SCN8A: variants seen among roughly 807,000 people sequenced by gnomAD.
SCN8A encodes sodium voltage-gated channel alpha subunit 8.
In SCN8A, 30 loss-of-function variants were observed where a neutral mutation model predicts 184.1. That is an observed-to-expected ratio of 0.16 (90% CI 0.12 to 0.22). The LOEUF is 0.22. Ranked by LOEUF, SCN8A falls within the 10% of genes least tolerant of loss-of-function variation. SCN8A has a pLI of 1.00. For synonymous variants in SCN8A, 852 were observed against 907.0 expected, an observed-to-expected ratio of 0.94 and a Z score of 1.09; for missense variants, 1,057 against 2,498.9, an observed-to-expected ratio of 0.42 and a Z score of 12.30.
intron 12 of SCN8A, among the ~76,000 whole-genome samples, chr12:51,724,332 G>T (rs768583800): frequency 6.6e-6 from 1 of 151,876 alleles, no homozygotes; most frequent in Non-Finnish European, 1.5e-5. Flanking sequence ...CTATAATCTC[G>T]GCTACTTGGG....
intron 6 of SCN8A, among the ~76,000 whole-genome samples, chr12:51,696,213 G>A (rs1027320750): frequency 1.1e-4 from 16 of 152,170 alleles, no homozygotes; most frequent in African/African-American, 3.9e-4. Flanking sequence ...AGAGATGGCT[G>A]TATAGGCTTC....
At chr12:51,609,524 C>G (rs776912667) in intron 1 of SCN8A, among the ~76,000 whole-genome samples, 9 of 152,226 alleles carry the variant, frequency 5.9e-5, no homozygotes, top group Middle Eastern at 6.8e-3. Context: ...AGGCCTTTTA[C>G]CATTTTATAA....
chr12:51,747,986 A>C (rs139068223), intron 13 of SCN8A, among the ~76,000 whole-genome samples: 2 of 152,180 alleles, frequency 1.3e-5, no homozygotes, highest in African/African-American at 4.8e-5. Context: ...TCACATAGTT[A>C]TACCTGTCCT....
chr12:51,627,060 T>A (rs1940094633), intron 1 of SCN8A, among the ~76,000 whole-genome samples: 1 of 152,172 alleles, frequency 6.6e-6, no homozygotes, highest in African/African-American at 2.4e-5. Context: ...GTTATATGTA[T>A]GTGTGGCTGA....
In SCN8A at chr12:51,686,364, C is replaced by T; in HGVS notation, c.396-4C>T. On this transcript the variant is annotated splice_region_variant and splice_polypyrimidine_tract_variant and intron_variant, in intron 3 of 26. Coordinates refer to ENST00000627620, the MANE Select transcript of SCN8A (RefSeq NM_001330260.2). Reference sequence around the variant, plus strand: ...TTTAATATTGCCCCTTGACTCTTCTCTACAGTATTTAGCATGATCATTATG... The same window carrying T: ...TTTAATATTGCCCCTTGACTCTTCTTTACAGTATTTAGCATGATCATTATG... The T allele has an allele frequency of 6.3e-7, 1 of 1,596,920 alleles. No individual in the cohort carries two copies. Among genetic ancestry groups the T allele is most frequent in the East Asian group, 2.2e-5 (1 of 44,764 alleles).
chr12:51,687,283 G>A lies in SCN8A; in HGVS notation c.614+64G>A. 7 of 1,582,438 alleles carry A rather than the reference G, an allele frequency of 4.4e-6. No individual in the cohort carries two copies. The South Asian group carries it at 7.8e-5, about 18-fold the overall frequency. On this transcript the variant is annotated intron_variant, in intron 5 of 26. Transcript: ENST00000627620. ...ATTCTGTGTGTGGAGTTGTACTCCT[G>A]GGTCTGTTTGTAGGTGTGCATTTGT...
At chr12:51,602,468 A>G (rs1436057374) in intron 1 of SCN8A, among the ~76,000 whole-genome samples, 1 of 152,218 alleles carries the variant, frequency 6.6e-6, no homozygotes, top group Non-Finnish European at 1.5e-5. Context: ...GTGGAGAGCT[A>G]CTGGTTAAGG....
intron 24 of SCN8A, among the ~76,000 whole-genome samples, chr12:51,789,880 A>C (rs1342826478): frequency 1.3e-5 from 2 of 152,240 alleles, no homozygotes; most frequent in Non-Finnish European, 2.9e-5. Flanking sequence ...TTTACAAAGC[A>C]AATTGAAAAA....
Position 51,770,618 on chromosome 12 carries a change from A to C in SCN8A, c.3580A>C (p.Ile1194Leu). ...GATCCTGCGGAAAACCTGCTTCCTCATCGTGGAGCACAACTGGTTTGAGAC... is the reference window on the plus strand; with the variant it reads ...GATCCTGCGGAAAACCTGCTTCCTCCTCGTGGAGCACAACTGGTTTGAGAC... ...WWILRKTCFL[I>L]VEHNWFETFI... is the part of the protein sequence containing the mutation. Residue 1194 changes from isoleucine (I) to leucine (L), a missense_variant, in exon 19 of 27, where the codon ATC becomes CTC. Ile to Leu is a conservative substitution (Grantham distance 5). Coordinates refer to ENST00000627620, the MANE Select transcript of SCN8A (RefSeq NM_001330260.2). 6.2e-7 allele frequency: 1 copy of C among 1,614,128 alleles called. No homozygotes were observed. The highest frequency in any genetic ancestry group is 8.5e-7 in the Non-Finnish European group (1 of 1,180,010).
chr12:51,669,586 C>G (rs530231151), intron 2 of SCN8A, among the ~76,000 whole-genome samples: 2 of 152,262 alleles, frequency 1.3e-5, no homozygotes, highest in South Asian at 4.1e-4. Flanking sequence ...GCCTCTTTTT[C>G]CTTGTAGCCT....
intron 1 of SCN8A, among the ~76,000 whole-genome samples, chr12:51,608,942 C>T (rs1041808909): frequency 1.3e-5 from 2 of 152,098 alleles, no homozygotes; most frequent in South Asian, 2.1e-4. Flanking sequence ...TCATTACTGT[C>T]GTTCAGTTTG....
At chr12:51,763,152 G>T (rs1041109466) in intron 15 of SCN8A, among the ~76,000 whole-genome samples, 11 of 152,054 alleles carry the variant, frequency 7.2e-5, no homozygotes, top group African/African-American at 2.4e-4. Flanking sequence ...ATAAAATAAG[G>T]TTTTTAAATA....
At chr12:51,761,661 G>C (rs1004683869) in intron 14 of SCN8A, among the ~76,000 whole-genome samples, 2 of 151,646 alleles carry the variant, frequency 1.3e-5, no homozygotes, top group Non-Finnish European at 2.9e-5. Context: ...ACTAATTTTT[G>C]TATTTTTTGT....
intron 1 of SCN8A, among the ~76,000 whole-genome samples, chr12:51,611,227 G>T (rs942375832): frequency 6.9e-6 from 1 of 144,212 alleles, no homozygotes; most frequent in Non-Finnish European, 1.5e-5. Context: ...TCTCTCTGTC[G>T]CCCAGGCTGG....
At chr12:51,704,108 C>T (rs1941738574) in intron 9 of SCN8A, among the ~76,000 whole-genome samples, 1 of 151,620 alleles carries the variant, frequency 6.6e-6, no homozygotes, top group Non-Finnish European at 1.5e-5. Flanking sequence ...GTTGGCCAGG[C>T]TCGTCTTGAA....
intron 20 of SCN8A, among the ~76,000 whole-genome samples, chr12:51,776,607 T>TG (rs35597514): frequency 6.6e-6 from 1 of 152,174 alleles, no homozygotes; most frequent in African/African-American, 2.4e-5. Flanking sequence ...TTGTGCTAGG[T>TG]GGGGGGACAT....
At chr12:51,706,754 ATTTT>A (rs1351888148) in intron 11 of SCN8A, 39 bp downstream of exon 11, 1 of 1,396,418 alleles carries the variant, frequency 7.2e-7, no homozygotes, top group African/African-American at 1.5e-5. Context: ...TCAAAAATGT[ATTTT>A]TTATTAAGGT....
chr12:51,650,930 CG>C (rs1207124082), intron 1 of SCN8A, among the ~76,000 whole-genome samples: 1 of 152,108 alleles, frequency 6.6e-6, no homozygotes, highest in Non-Finnish European at 1.5e-5. Context: ...CAGTCATTAG[CG>C]TTGTTTCTAT....
chr12:51,704,441 A>AG (rs1363293830), intron 9 of SCN8A, among the ~76,000 whole-genome samples: 1 of 146,906 alleles, frequency 6.8e-6, no homozygotes, highest in Non-Finnish European at 1.5e-5. Flanking sequence ...AGGCCGAGGC[A>AG]GGTGGATCAC....
Sources: allele counts gnomAD v4.1 joint callset (sites outside exome capture counted in the v4.1 genomes callset), GRCh38; gene constraint gnomAD v4.1.1; transcripts MANE v1.5; gene names NCBI Gene and HGNC (gene_info 2026-07-23, HGNC 2026-07-21).